The following GK5 variants were observed in gnomAD, a reference collection of about 807,000 sequenced individuals.
GK5 encodes ATP:glycerol 3-phosphotransferase 5.
Under a neutral mutation model 77.3 loss-of-function variants are expected in GK5, and 39 were observed. The observed-to-expected ratio is 0.50, with a 90% confidence interval of 0.39 to 0.66. The LOEUF (loss-of-function observed/expected upper bound fraction) is 0.66, where lower values mean the gene tolerates loss of function less well. Ranked by LOEUF, GK5 falls within the 30% of genes least tolerant of loss-of-function variation. The pLI, the probability that GK5 is intolerant of heterozygous loss-of-function variation, is 0.00. For synonymous variants in GK5, 211 were observed against 208.0 expected (o/e 1.01, Z -0.13); for missense variants, 487 against 633.8 (o/e 0.77, Z 2.49).
intron 1 of GK5, among the ~76,000 whole-genome samples, chr3:142,216,232 G>A (rs2064275393): frequency 6.6e-6 from 1 of 152,118 alleles, no homozygotes; most frequent in Non-Finnish European, 1.5e-5. Flanking sequence ...TTAGACTCAA[G>A]ACATCCTGAA....
At chr3:142,184,210 G>A (rs541774399) in intron 9 of GK5, among the ~76,000 whole-genome samples, 4 of 123,248 alleles carry the variant, frequency 3.2e-5, no homozygotes, top group East Asian at 2.5e-4. Context: ...GCAGTGAGCC[G>A]AGATCGCACC....
chr3:142,216,395 A>G (rs2064276937), intron 1 of GK5, among the ~76,000 whole-genome samples: 1 of 152,018 alleles, frequency 6.6e-6, no homozygotes, highest in African/African-American at 2.4e-5. Context: ...TTTTATACCC[A>G]CAAAATCCTG....
intron 1 of GK5, 95 bp downstream of exon 1, chr3:142,225,214 G>T: frequency 7.6e-7 from 1 of 1,317,942 alleles, no homozygotes; most frequent in Non-Finnish European, 9.9e-7. Flanking sequence ...CGTCCAGGGC[G>T]GTAGGTGGGG....
chr3:142,184,796 C>T (rs2063746281), intron 9 of GK5: 2 of 920,024 alleles, frequency 2.2e-6, no homozygotes, highest in South Asian at 1.0e-4. Flanking sequence ...TCGGTGAGAT[C>T]ATGCCATTGC....
At chr3:142,194,387 G>A (rs998191315) in intron 5 of GK5, among the ~76,000 whole-genome samples, 1 of 152,084 alleles carries the variant, frequency 6.6e-6, no homozygotes, top group Non-Finnish European at 1.5e-5. Flanking sequence ...TTAGCTGGGC[G>A]TTGTGGCGCA....
chr3:142,206,827 T>TTG (rs2064114763), intron 3 of GK5, among the ~76,000 whole-genome samples: 1 of 152,200 alleles, frequency 6.6e-6, no homozygotes. Context: ...CTGTGTATAA[T>TTG]TTGTGCTATT....
chr3:142,197,582 A>T (rs1033518129), intron 5 of GK5, among the ~76,000 whole-genome samples: 2 of 152,222 alleles, frequency 1.3e-5, no homozygotes, highest in African/African-American at 2.4e-5. Context: ...TCACACTCAG[A>T]TATTACTTAC....
At chr3:142,187,568 G>C in intron 6 of GK5, 136 bp downstream of exon 6, 1 of 648,736 alleles carries the variant, frequency 1.5e-6, no homozygotes, top group Non-Finnish European at 2.7e-6. Flanking sequence ...TTACACCATT[G>C]CACTCCCGCC....
At chr3:142,220,479 G>A (rs1469300988) in intron 1 of GK5, among the ~76,000 whole-genome samples, 2 of 152,134 alleles carry the variant, frequency 1.3e-5, no homozygotes, top group Non-Finnish European at 2.9e-5. Context: ...ATGGTACATG[G>A]CTTAGGACAG....
At chr3:142,194,482 T>C (rs895499818) in intron 5 of GK5, among the ~76,000 whole-genome samples, 1 of 149,986 alleles carries the variant, frequency 6.7e-6, no homozygotes, top group African/African-American at 2.5e-5. Flanking sequence ...ACCAAGATCA[T>C]GCCACTGCAC....
intron 12 of GK5, chr3:142,173,165 C>T (rs2063561431): frequency 4.6e-6 from 2 of 437,192 alleles, no homozygotes; most frequent in South Asian, 1.6e-5. Flanking sequence ...CGCGTTACTG[C>T]ACTCCAGCCT....
At chr3:142,188,968 G>A (rs2063811799) in intron 5 of GK5, among the ~76,000 whole-genome samples, 1 of 152,152 alleles carries the variant, frequency 6.6e-6, no homozygotes, top group Non-Finnish European at 1.5e-5. Context: ...TTGAAACAAA[G>A]TTTATCACCT....
intron 6 of GK5, 77 bp downstream of exon 6, chr3:142,187,627 T>G: frequency 9.4e-7 from 1 of 1,064,094 alleles, no homozygotes; most frequent in Non-Finnish European, 1.4e-6. Flanking sequence ...AAAAAGTAAC[T>G]TCTACTTTTT....
At chr3:142,206,914 C>T (rs923500632) in intron 3 of GK5, among the ~76,000 whole-genome samples, 9 of 152,242 alleles carry the variant, frequency 5.9e-5, no homozygotes, top group South Asian at 2.1e-4. Flanking sequence ...ATGATTGCTA[C>T]GGTTCATTTA....
chr3:142,188,484 A>G (rs1432679168), intron 5 of GK5, among the ~76,000 whole-genome samples: 1 of 152,166 alleles, frequency 6.6e-6, no homozygotes, highest in Non-Finnish European at 1.5e-5. Context: ...CAGTGAGCCG[A>G]GACTGCACTC....
chr3:142,172,324 A>C (rs753497652), intron 13 of GK5, 29 bp downstream of exon 13: 3 of 1,030,266 alleles, frequency 2.9e-6, no homozygotes. Context: ...TTCTATGGGG[A>C]AGGGGAAGTT....
intron 5 of GK5, 48 bp downstream of exon 5, chr3:142,198,754 G>T: frequency 1.3e-6 from 2 of 1,500,802 alleles, no homozygotes; most frequent in South Asian, 1.3e-5. Flanking sequence ...TCTTTATATG[G>T]TTTCCACATA....
intron 5 of GK5, among the ~76,000 whole-genome samples, chr3:142,192,394 A>C (rs900315758): frequency 1.3e-5 from 2 of 152,244 alleles, no homozygotes; most frequent in Non-Finnish European, 2.9e-5. Context: ...TCCAAATAAA[A>C]ACCTGCACCC....
chr3:142,222,740 G>A (rs1273554776), intron 1 of GK5, among the ~76,000 whole-genome samples: 1 of 151,856 alleles, frequency 6.6e-6, no homozygotes, highest in Non-Finnish European at 1.5e-5. Context: ...GCCACCTGGG[G>A]GACAGAGTTA....
Sources: gnomAD v4.1 joint callset for allele counts (sites outside exome capture counted in the v4.1 genomes callset) on GRCh38, gnomAD v4.1.1 for gene constraint, MANE v1.5 for transcripts, NCBI Gene and HGNC (gene_info 2026-07-23, HGNC 2026-07-21) for gene names.